Variants in SLC24A3 observed in about 807,000 individuals in gnomAD.
SLC24A3 encodes sodium/potassium/calcium exchanger 3.
In SLC24A3, 28 loss-of-function variants were observed where a neutral mutation model predicts 75.8. The observed-to-expected ratio is 0.37, with a 90% confidence interval of 0.27 to 0.51. The LOEUF (loss-of-function observed/expected upper bound fraction) is 0.51, where lower values mean the gene tolerates loss of function less well. Ranked by LOEUF, SLC24A3 falls within the 20% of genes least tolerant of loss-of-function variation. SLC24A3 has a pLI of 0.94. For synonymous variants in SLC24A3, 372 were observed against 334.1 expected (o/e 1.11, Z -1.24); for missense variants, 663 against 847.8 (o/e 0.78, Z 2.71).
intron 3 of SLC24A3, among the ~76,000 whole-genome samples, chr20:19,564,551 G>T (rs776643910): frequency 3.9e-5 from 6 of 152,048 alleles, no homozygotes; most frequent in Non-Finnish European, 8.8e-5. Context: ...CATCAGATAA[G>T]GTTCATCTAG....
At chr20:19,599,529 T>C (rs1218429528) in intron 6 of SLC24A3, among the ~76,000 whole-genome samples, 3 of 152,226 alleles carry the variant, frequency 2.0e-5, no homozygotes, top group Non-Finnish European at 4.4e-5. Context: ...GATGTGTCCC[T>C]GGGCCTTTTT....
rs188933446 is a variant in SLC24A3 at position 19,590,716 on chromosome 20, T to A, written c.612+5172T>A. On this transcript the variant is annotated intron_variant, in intron 6 of 16. Coordinates refer to ENST00000328041, the MANE Select transcript of SLC24A3 (RefSeq NM_020689.4). ...CAGCTGAGGCAGCCAGTGAATTCCA[T>A]CACACCCAGTAAAACTGGGTTTCTC... Among the ~76,000 whole-genome samples the A allele has an allele frequency of 1.6e-4, 25 of 152,278 alleles. No homozygotes were observed. The East Asian group carries it at 4.6e-3, about 28-fold the overall frequency.
At chr20:19,333,299 TC>T (rs557461531) in intron 2 of SLC24A3, among the ~76,000 whole-genome samples, 2 of 152,008 alleles carry the variant, frequency 1.3e-5, no homozygotes, top group African/African-American at 2.4e-5. Context: ...CCTTTTATCT[TC>T]CCCCCTGGAC....
At position 19,527,385 on chromosome 20, in the gene SLC24A3, G is replaced by C. The variant is rs181211276; in HGVS notation, c.348+11821G>C. ...GTGTGACGGTGAATGAATGAAGTGT[G>C]CTTAAGATCTTGGTGTCTGAGTATA... On this transcript the variant is annotated intron_variant, in intron 3 of 16. Coordinates refer to ENST00000328041, the MANE Select transcript of SLC24A3 (RefSeq NM_020689.4). 3.2e-4 allele frequency among the ~76,000 whole-genome samples: 48 copies of C among 152,294 alleles called. No individual in the cohort carries two copies. In the East Asian group the frequency reaches 8.7e-3, roughly 28 times the overall value.
chr20:19,338,997 C>G (rs1362893018), intron 2 of SLC24A3, among the ~76,000 whole-genome samples: 1 of 152,152 alleles, frequency 6.6e-6, no homozygotes, highest in Non-Finnish European at 1.5e-5. Flanking sequence ...TTTTGATTCA[C>G]ACAGGGATGT....
chr20:19,270,271 A>G (rs1363678382), intron 1 of SLC24A3, among the ~76,000 whole-genome samples: 1 of 151,218 alleles, frequency 6.6e-6, no homozygotes, highest in African/African-American at 2.4e-5. Context: ...TCCACTGAGA[A>G]CTCTTGAGAA....
intron 3 of SLC24A3, among the ~76,000 whole-genome samples, chr20:19,523,200 A>T (rs1181746465): frequency 6.6e-6 from 1 of 152,250 alleles, no homozygotes; most frequent in Non-Finnish European, 1.5e-5. Context: ...GTGGCATTAA[A>T]AATAAGATAG....
At position 19,597,136 on chromosome 20, in the gene SLC24A3, A is replaced by G. The variant is rs1296376236; in HGVS notation, c.612+11592A>G. 2.0e-5 allele frequency among the ~76,000 whole-genome samples: 3 copies of G among 152,308 alleles called. No homozygotes were observed. In the East Asian group the frequency reaches 5.8e-4, roughly 29 times the overall value. Reference sequence around the variant, plus strand: ...TGTGGCTCACACCTGTGGCCCCAGCACTTTGGAAGGCCAAGGTGGGTGGAT... The same window carrying G: ...TGTGGCTCACACCTGTGGCCCCAGCGCTTTGGAAGGCCAAGGTGGGTGGAT... On this transcript the variant is annotated intron_variant, in intron 6 of 16. Coordinates refer to ENST00000328041, the MANE Select transcript of SLC24A3 (RefSeq NM_020689.4).
intron 2 of SLC24A3, among the ~76,000 whole-genome samples, chr20:19,291,795 C>T (rs542689459): frequency 3.9e-5 from 6 of 152,190 alleles, no homozygotes; most frequent in South Asian, 2.1e-4. Flanking sequence ...TCAGTGTCCA[C>T]GTTATTGGGA....
At chr20:19,237,030 A>T (rs956700605) in intron 1 of SLC24A3, among the ~76,000 whole-genome samples, 1 of 152,242 alleles carries the variant, frequency 6.6e-6, no homozygotes, top group African/African-American at 2.4e-5. Context: ...TTAAAATGTG[A>T]TATTCATTAC....
intron 2 of SLC24A3, among the ~76,000 whole-genome samples, chr20:19,392,924 G>C (rs1448768863): frequency 6.6e-6 from 1 of 152,094 alleles, no homozygotes; most frequent in Non-Finnish European, 1.5e-5. Flanking sequence ...GCAGTCAAAA[G>C]GGGAAAGATC....
intron 2 of SLC24A3, among the ~76,000 whole-genome samples, chr20:19,378,799 TAG>T (rs1187480724): frequency 6.6e-6 from 1 of 152,062 alleles, no homozygotes; most frequent in Non-Finnish European, 1.5e-5. Context: ...ATTAAAGAGT[TAG>T]ATCTTGGGGA....
chr20:19,394,755 G>C (rs1284224538), intron 2 of SLC24A3, among the ~76,000 whole-genome samples: 2 of 152,194 alleles, frequency 1.3e-5, no homozygotes, highest in Non-Finnish European at 2.9e-5. Flanking sequence ...TGGAACCTTT[G>C]TGTACTCTTG....
At chr20:19,281,904 G>A (rs1004578625) in intron 2 of SLC24A3, among the ~76,000 whole-genome samples, 2 of 152,190 alleles carry the variant, frequency 1.3e-5, no homozygotes, top group African/African-American at 4.8e-5. Flanking sequence ...AAAACAGGCG[G>A]TGGGATGGAG....
chr20:19,264,009 G>A (rs1983079461), intron 1 of SLC24A3: 1 of 151,238 alleles, frequency 6.6e-6, no homozygotes, highest in Non-Finnish European at 1.5e-5. Flanking sequence ...GGGAGGTTAA[G>A]ACAGGAGTTC....
intron 2 of SLC24A3, among the ~76,000 whole-genome samples, chr20:19,388,733 C>G (rs993324409): frequency 6.6e-6 from 1 of 152,126 alleles, no homozygotes; most frequent in Non-Finnish European, 1.5e-5. Flanking sequence ...CATGGAATTT[C>G]TTTTTCCATC....
Position 19,497,197 on chromosome 20 carries a change from C to T in SLC24A3, c.272-18291C>T, listed in dbSNP as rs1600253789. On this transcript the variant is annotated intron_variant, in intron 2 of 16. Coordinates refer to ENST00000328041, the MANE Select transcript of SLC24A3 (RefSeq NM_020689.4). ...CAACAGGAGAATCTGAGTCAGCTCC[C>T]AGCTCATTCTTAGCCCATGACAAAT... Among the ~76,000 whole-genome samples the T allele has an allele frequency of 2.6e-5, 4 of 152,206 alleles. No individual in the cohort carries two copies. In the East Asian group the frequency reaches 7.7e-4, roughly 29 times the overall value.
chr20:19,653,016 A>G (rs1485432466), intron 6 of SLC24A3, among the ~76,000 whole-genome samples: 3 of 152,218 alleles, frequency 2.0e-5, no homozygotes, highest in Non-Finnish European at 4.4e-5. Context: ...CCTTGGAACA[A>G]GGTGTGTGGA....
intron 2 of SLC24A3, among the ~76,000 whole-genome samples, chr20:19,362,758 C>CG (rs1166586336): frequency 2.6e-5 from 4 of 152,086 alleles, no homozygotes; most frequent in Non-Finnish European, 5.9e-5. Flanking sequence ...CCTACACCCC[C>CG]GAGTCTGATG....
Sources: allele counts gnomAD v4.1 joint callset (sites outside exome capture counted in the v4.1 genomes callset), GRCh38; gene constraint gnomAD v4.1.1; transcripts MANE v1.5; gene names NCBI Gene and HGNC (gene_info 2026-07-23, HGNC 2026-07-21).